The following CAB39L variants were observed in gnomAD, a reference collection of about 807,000 sequenced individuals.
The protein encoded by CAB39L is calcium binding protein 39 like.
In CAB39L, 23 loss-of-function variants were observed where a neutral mutation model predicts 39.1. The ratio of observed to expected loss-of-function variants is 0.59; its 90% CI spans 0.42 to 0.83. CAB39L has a LOEUF of 0.83. Ranked by LOEUF, CAB39L falls within the 40% of genes least tolerant of loss-of-function variation. The pLI is 0.00. For synonymous variants in CAB39L, 126 were observed against 137.2 expected (o/e 0.92, Z 0.57); for missense variants, 366 against 391.9 (o/e 0.93, Z 0.56).
At chr13:49,342,142 G>A (rs572810827) in intron 8 of CAB39L, among the ~76,000 whole-genome samples, 1 of 152,242 alleles carries the variant, frequency 6.6e-6, no homozygotes, top group African/African-American at 2.4e-5. Flanking sequence ...CCAGTATTCA[G>A]GAGTATGTTG....
At chr13:49,383,996 G>A (rs891829800) in intron 3 of CAB39L, among the ~76,000 whole-genome samples, 1 of 152,110 alleles carries the variant, frequency 6.6e-6, no homozygotes, top group Non-Finnish European at 1.5e-5. Flanking sequence ...TAGCTGTGGC[G>A]ATTTCTTAAA....
chr13:49,391,173 C>T (rs1956481409), intron 3 of CAB39L, among the ~76,000 whole-genome samples: 1 of 152,178 alleles, frequency 6.6e-6, no homozygotes, highest in Admixed American at 6.5e-5. Context: ...TTAGTAACTT[C>T]ACACCAAATG....
chr13:49,421,202 C>T (rs939931285), intron 3 of CAB39L, among the ~76,000 whole-genome samples: 1 of 152,076 alleles, frequency 6.6e-6, no homozygotes, highest in Non-Finnish European at 1.5e-5. Context: ...CCCTCTCTGC[C>T]CGCCCCTGGA....
chr13:49,327,151 C>T (rs920110665), intron 10 of CAB39L, among the ~76,000 whole-genome samples: 1 of 142,412 alleles, frequency 7.0e-6, no homozygotes, highest in Non-Finnish European at 1.5e-5. Flanking sequence ...TTTTGCCATA[C>T]TTGCCTTCAG....
chr13:49,422,745 C>T (rs1250061731), intron 3 of CAB39L, among the ~76,000 whole-genome samples: 1 of 151,936 alleles, frequency 6.6e-6, no homozygotes, highest in African/African-American at 2.4e-5. Context: ...GCTTCCCTTA[C>T]TTTTTTATTT....
chr13:49,433,478 G>T lies in CAB39L; in HGVS notation c.-107-85C>A, dbSNP rs1216945414. The T allele has an allele frequency of 2.0e-5, 8 of 391,012 alleles. No homozygotes were observed. In the East Asian group the frequency reaches 5.8e-4, roughly 28 times the overall value. 24.2% of individuals were successfully genotyped at this position (391,012 alleles called of 1,614,324 possible). A position where few individuals can be genotyped will look rare whatever the true frequency, so the allele number is the denominator to read the frequency against. ...TTTTCTTATTGCTTTCAGGTATACA[G>T]AATTACAAATTAAATTTCCATCATA... On this transcript the variant is annotated intron_variant, in intron 2 of 10. Transcript: ENST00000409308.
intron 10 of CAB39L, among the ~76,000 whole-genome samples, chr13:49,324,709 C>T (rs541188799): frequency 3.3e-5 from 5 of 152,334 alleles, no homozygotes; most frequent in African/African-American, 1.2e-4. Context: ...CCTGACTTCA[C>T]AGATGGGGTG....
chr13:49,335,992 A>G (rs1225565809), intron 9 of CAB39L, among the ~76,000 whole-genome samples: 1 of 152,174 alleles, frequency 6.6e-6, no homozygotes, highest in Non-Finnish European at 1.5e-5. Context: ...TGAAACATCT[A>G]TGTAAAAAGT....
In CAB39L at chr13:49,404,912, T is replaced by C. The variant is rs373123414; in HGVS notation, c.-31-21971A>G. On this transcript the variant is annotated intron_variant, in intron 3 of 10. Coordinates refer to ENST00000409308, the MANE Select transcript of CAB39L (RefSeq NM_001079670.3). ...AAAAGAAAAAAGAATAAAAATAATG[T>C]AGCATGCCTACAGGATCTAGAAAAT... Among the ~76,000 whole-genome samples the C allele has an allele frequency of 4.6e-5, 7 of 152,190 alleles. No individual in the cohort carries two copies. The South Asian group carries it at 1.5e-3, about 32-fold the overall frequency.
rs573875335 is a variant in CAB39L at position 49,314,446 on chromosome 13, T to C, written c.835-3453A>G. On this transcript the variant is annotated intron_variant, in intron 10 of 10. Coordinates refer to ENST00000409308, the MANE Select transcript of CAB39L (RefSeq NM_001079670.3). ...AAGTGCCTGAACTGAATTCAAGGCC[T>C]CGTCACTGCCCCATCACCCTAATTC... Among the ~76,000 whole-genome samples, 3 of 152,278 alleles carry C rather than the reference T, an allele frequency of 2.0e-5. No homozygotes were observed. The East Asian group carries it at 5.8e-4, about 29-fold the overall frequency.
chr13:49,355,406 A>T (rs1955458186), intron 6 of CAB39L, among the ~76,000 whole-genome samples: 1 of 152,078 alleles, frequency 6.6e-6, no homozygotes, highest in Non-Finnish European at 1.5e-5. Context: ...ATAATGAGTT[A>T]GTTCTGTCCA....
At chr13:49,385,910 T>C (rs1244660943) in intron 3 of CAB39L, among the ~76,000 whole-genome samples, 1 of 150,768 alleles carries the variant, frequency 6.6e-6, no homozygotes, top group Non-Finnish European at 1.5e-5. Context: ...ATTAACAAAA[T>C]GTATCAAGAG....
chr13:49,397,870 G>T (rs1956676017), intron 3 of CAB39L, among the ~76,000 whole-genome samples: 1 of 152,030 alleles, frequency 6.6e-6, no homozygotes, highest in Non-Finnish European at 1.5e-5. Flanking sequence ...TTAAAAAACA[G>T]AATTATCAAG....
intron 5 of CAB39L, among the ~76,000 whole-genome samples, chr13:49,361,677 C>A (rs867472110): frequency 6.6e-6 from 1 of 152,126 alleles, no homozygotes; most frequent in Non-Finnish European, 1.5e-5. Flanking sequence ...ACATCAAGTT[C>A]TATTAGTACC....
rs202149230 is a variant in CAB39L at position 49,357,420 on chromosome 13, A to G, written c.395+2294T>C. 5.8e-4 allele frequency among the ~76,000 whole-genome samples: 89 copies of G among 152,358 alleles called. No individual in the cohort carries two copies. In the East Asian group the frequency reaches 0.016, roughly 27 times the overall value. ...AGCAAACAATGAGTAAATGGTTTAT[A>G]CAAAACAGGATGTGAAGGAATGAGT... On this transcript the variant is annotated intron_variant, in intron 6 of 10. Coordinates refer to ENST00000409308, the MANE Select transcript of CAB39L (RefSeq NM_001079670.3).
At chr13:49,343,791 T>C (rs1317652634) in intron 8 of CAB39L, among the ~76,000 whole-genome samples, 1 of 152,130 alleles carries the variant, frequency 6.6e-6, no homozygotes, top group African/African-American at 2.4e-5. Flanking sequence ...AGTTGCAAGA[T>C]AAAAAATATT....
chr13:49,310,929 T>C lies in CAB39L; in HGVS notation c.899A>G (p.Lys300Arg), dbSNP rs780593229. 1 of 1,614,130 alleles carries C rather than the reference T, an allele frequency of 6.2e-7. No individual in the cohort carries two copies. Among genetic ancestry groups the C allele is most frequent in the South Asian group, 1.1e-5 (1 of 91,088 alleles). ...GAAGCTGCTCAGAAACTCAATGAGT[T>C]TGGGCTGATTTTTTAACAGGATCTC... The part of the protein sequence containing the change: ...IVEILLKNQP[K>R]LIEFLSSFQK... The change falls in exon 11 of 11, where the codon AAA becomes AGA. Residue 300 changes from lysine (K) to arginine (R), a missense_variant. Physicochemically the swap from Lys to Arg is conservative, Grantham distance 26. Transcript: ENST00000409308.
At chr13:49,352,740 C>CAAAAAT (rs1428692232) in intron 6 of CAB39L, among the ~76,000 whole-genome samples, 1 of 151,424 alleles carries the variant, frequency 6.6e-6, no homozygotes. Flanking sequence ...ACTCTGTCTC[C>CAAAAAT]AAAAATAAAA....
In CAB39L at chr13:49,371,291, G is replaced by A. The variant is rs112734655; in HGVS notation, c.276+5676C>T. On this transcript the variant is annotated intron_variant, in intron 5 of 10. Transcript: ENST00000409308. Reference sequence around the variant, plus strand: ...CAACCTCCTCCTCCTGGGTTCAAGCGATTCTCCTGCCTCAGCCTCCCAAGT... The same window carrying A: ...CAACCTCCTCCTCCTGGGTTCAAGCAATTCTCCTGCCTCAGCCTCCCAAGT... 1.7e-3 allele frequency among the ~76,000 whole-genome samples: 251 copies of A among 151,070 alleles called. 2 individuals are homozygous for A. The highest frequency in any genetic ancestry group is 5.7e-3 in the African/African-American group (234 of 41,146).
Sources: allele counts gnomAD v4.1 joint callset (sites outside exome capture counted in the v4.1 genomes callset), GRCh38; gene constraint gnomAD v4.1.1; transcripts MANE v1.5; gene names NCBI Gene and HGNC (gene_info 2026-07-23, HGNC 2026-07-21).